Variants in UBR3 observed in about 807,000 individuals in gnomAD.
UBR3 encodes the protein E3 ubiquitin-protein ligase UBR3.
A neutral mutation model predicts 243.2 loss-of-function variants in UBR3; 85 were observed. That is an observed-to-expected ratio of 0.35 (90% CI 0.29 to 0.42). The LOEUF is 0.42. Ranked by LOEUF, UBR3 falls within the 10% of genes least tolerant of loss-of-function variation. UBR3 has a pLI of 1.00. For synonymous variants in UBR3, 748 were observed against 799.8 expected (o/e 0.94, Z 1.09); for missense variants, 1,686 against 2,300.8 (o/e 0.73, Z 5.47).
intron 1 of UBR3, among the ~76,000 whole-genome samples, chr2:169,860,319 T>C (rs2105301597): frequency 1.3e-5 from 2 of 152,242 alleles, no homozygotes; most frequent in South Asian, 4.1e-4. Flanking sequence ...GGTTGGATTT[T>C]GTTATGGAGT....
chr2:170,019,518 C>G (rs1263219980), intron 30 of UBR3, among the ~76,000 whole-genome samples: 1 of 151,976 alleles, frequency 6.6e-6, no homozygotes, highest in African/African-American at 2.4e-5. Context: ...AACCTCATCT[C>G]TAAAAAGAAA....
chr2:169,989,593 A>G (rs1270787913), intron 25 of UBR3, among the ~76,000 whole-genome samples: 1 of 152,190 alleles, frequency 6.6e-6, no homozygotes, highest in African/African-American at 2.4e-5. Flanking sequence ...ATTAGCTGAC[A>G]TATACTTCTA....
intron 36 of UBR3, 66 bp downstream of exon 36, chr2:170,073,673 G>A (rs1362249333): frequency 9.4e-6 from 14 of 1,482,662 alleles, no homozygotes; most frequent in South Asian, 2.7e-5. Context: ...AGAATAATGA[G>A]GACTGTTAAA....
At chr2:169,991,224 G>T (rs1229734699) in intron 25 of UBR3, among the ~76,000 whole-genome samples, 1 of 152,168 alleles carries the variant, frequency 6.6e-6, no homozygotes, top group Non-Finnish European at 1.5e-5. Flanking sequence ...GGACAGAATT[G>T]AAGGGAGAAA....
chr2:170,074,609 G>A (rs1345260570), intron 36 of UBR3, among the ~76,000 whole-genome samples: 3 of 152,112 alleles, frequency 2.0e-5, no homozygotes, highest in African/African-American at 7.2e-5. Flanking sequence ...ACTTATTGCT[G>A]TTACTAAAGC....
In UBR3 at chr2:169,836,063, ATATATTTTTTTT is replaced by A. The variant is rs1382480286; in HGVS notation, c.545+8013_545+8024del. 1.6e-3 allele frequency among the ~76,000 whole-genome samples: 43 copies of A among 26,612 alleles called. 1 individual carries two copies. Among genetic ancestry groups the A allele is most frequent in the African/African-American group, 2.8e-3 (28 of 10,054 alleles). The allele number at this position is 26,612 out of a possible 152,430, so 17.5% of individuals were successfully genotyped here. The stretch of plus-strand genomic sequence containing the variant: ...TCTCTCTATATATATATATATATAT[ATATATTTTTTTT>A]TTTTTTTTTTTTTTTTTTGAGATGG... On this transcript the variant is annotated intron_variant, in intron 1 of 38. Transcript: ENST00000272793.
intron 1 of UBR3, among the ~76,000 whole-genome samples, chr2:169,848,728 CAAAG>C (rs769347441): frequency 3.4e-5 from 5 of 146,326 alleles, no homozygotes; most frequent in African/African-American, 5.1e-5. Context: ...TTTTTTGAGA[CAAAG>C]AATTCTGTTG....
At position 170,072,338 on chromosome 2, in the gene UBR3, C is replaced by T. The variant is rs530490331; in HGVS notation, c.5020-1090C>T. Among the ~76,000 whole-genome samples, 353 of 151,620 alleles carry T rather than the reference C, an allele frequency of 2.3e-3. 3 individuals are homozygous for T. The Middle Eastern group carries it at 0.027, about 12-fold the overall frequency. On this transcript the variant is annotated intron_variant, in intron 35 of 38. Coordinates refer to ENST00000272793, the MANE Select transcript of UBR3 (RefSeq NM_172070.4). The stretch of plus-strand genomic sequence containing the variant: ...ATCACAAGAACAAAAAACCAAACAC[C>T]GCATATTCTCACTCATAGGTGGGAA...
At chr2:169,903,552 A>C (rs985533943) in intron 8 of UBR3, among the ~76,000 whole-genome samples, 1 of 152,230 alleles carries the variant, frequency 6.6e-6, no homozygotes, top group African/African-American at 2.4e-5. Flanking sequence ...ACTTAACTTC[A>C]GTGGACCCTG....
intron 5 of UBR3, among the ~76,000 whole-genome samples, chr2:169,881,368 G>A (rs114207030): frequency 0.011 from 1,717 of 151,876 alleles, 38 homozygotes; most frequent in African/African-American, 0.04. Context: ...TGGTAAAGAT[G>A]GGGTTTCTCC....
intron 1 of UBR3, among the ~76,000 whole-genome samples, chr2:169,860,817 C>T (rs1017796734): frequency 2.0e-5 from 3 of 152,090 alleles, no homozygotes; most frequent in South Asian, 4.1e-4. Flanking sequence ...TAAAGTCCCA[C>T]GATAGGTCAT....
At chr2:169,948,365 G>T (rs1052115974) in intron 22 of UBR3, among the ~76,000 whole-genome samples, 2 of 151,780 alleles carry the variant, frequency 1.3e-5, no homozygotes, top group Non-Finnish European at 2.9e-5. Context: ...AATTAACTTT[G>T]ATAAAATAAG....
intron 1 of UBR3, among the ~76,000 whole-genome samples, chr2:169,865,806 A>T (rs2083238005): frequency 6.6e-6 from 1 of 152,112 alleles, no homozygotes; most frequent in Admixed American, 6.6e-5. Flanking sequence ...GTCTTTGATC[A>T]CAACTAGCTC....
chr2:169,893,753 G>C (rs1335671118), intron 6 of UBR3, among the ~76,000 whole-genome samples: 1 of 151,992 alleles, frequency 6.6e-6, no homozygotes. Context: ...TTAGAGACAG[G>C]GTTTTGCCAT....
rs777032520 is a variant in UBR3 at position 169,997,126 on chromosome 2, G to GCCA, written c.3918+2670_3918+2671insCCA. The stretch of plus-strand genomic sequence containing the variant: ...TGCTTTTGCAGAAATTTACTATTTA[G>GCCA]ACTTTATTTAGACTTTATTTTTTTG... On this transcript the variant is annotated intron_variant, in intron 26 of 38. Coordinates refer to ENST00000272793, the MANE Select transcript of UBR3 (RefSeq NM_172070.4). 1.6e-4 allele frequency among the ~76,000 whole-genome samples: 24 copies of GCCA among 151,976 alleles called. No individual in the cohort carries two copies. In the South Asian group the frequency reaches 2.7e-3, roughly 17 times the overall value.
intron 19 of UBR3, among the ~76,000 whole-genome samples, chr2:169,938,173 C>T (rs1257413424): frequency 6.6e-6 from 1 of 152,014 alleles, no homozygotes; most frequent in African/African-American, 2.4e-5. Flanking sequence ...TTTTGTTGCT[C>T]ATTTTTTAAT....
rs1260845051 is a variant in UBR3, at chr2:170,008,594, A to G, written c.4231-210A>G. Among the ~76,000 whole-genome samples, 4 of 152,136 alleles carry G rather than the reference A, an allele frequency of 2.6e-5. No homozygotes were observed. The South Asian group carries it at 6.2e-4, about 24-fold the overall frequency. On this transcript the variant is annotated intron_variant, in intron 28 of 38. Coordinates refer to ENST00000272793, the MANE Select transcript of UBR3 (RefSeq NM_172070.4). Reference sequence around the variant, plus strand: ...TTGGATTACAGTGTTACCAGTCACAATGTAGAATTAGAATAAAAGATCACT... The same window carrying G: ...TTGGATTACAGTGTTACCAGTCACAGTGTAGAATTAGAATAAAAGATCACT...
intron 11 of UBR3, among the ~76,000 whole-genome samples, chr2:169,918,488 A>ATTT (rs34312357): frequency 7.1e-6 from 1 of 141,652 alleles, no homozygotes; most frequent in Admixed American, 7.1e-5. Context: ...CAAGCAAATA[A>ATTT]TTTTTTTTTT....
At chr2:169,845,531 G>GTCTTCTTCT (rs1184360391) in intron 1 of UBR3, among the ~76,000 whole-genome samples, 1 of 105,184 alleles carries the variant, frequency 9.5e-6, no homozygotes, top group Non-Finnish European at 1.9e-5. Flanking sequence ...CGTCGTCGTC[G>GTCTTCTTCT]TCTTCTTCTT....
Sources: allele counts gnomAD v4.1 joint callset (sites outside exome capture counted in the v4.1 genomes callset), GRCh38; gene constraint gnomAD v4.1.1; transcripts MANE v1.5; gene names NCBI Gene and HGNC (gene_info 2026-07-23, HGNC 2026-07-21).